The following SMAD3 variants were observed in gnomAD, a reference collection of about 807,000 sequenced individuals.
SMAD3 encodes the protein SMAD family member 3.
A neutral mutation model predicts 51.8 loss-of-function variants in SMAD3; 12 were observed. The observed-to-expected ratio is 0.23, with a 90% CI of 0.15 to 0.38. SMAD3 has a LOEUF of 0.38. Ranked by LOEUF, SMAD3 falls within the 10% of genes least tolerant of loss-of-function variation. The pLI is 1.00. For missense variants in SMAD3, 294 were observed against 565.6 expected, an observed-to-expected ratio of 0.52 and a Z score of 4.87; for synonymous variants, 238 against 227.7, an observed-to-expected ratio of 1.05 and a Z score of -0.41.
intron 1 of SMAD3, among the ~76,000 whole-genome samples, chr15:67,074,230 T>G (rs984547559): frequency 6.6e-6 from 1 of 152,248 alleles, no homozygotes; most frequent in Non-Finnish European, 1.5e-5. Flanking sequence ...AGGATGAAGA[T>G]GTGGAGGCTG....
intron 1 of SMAD3, among the ~76,000 whole-genome samples, chr15:67,086,294 T>A (rs28669671): frequency 9.2e-5 from 14 of 152,034 alleles, no homozygotes; most frequent in African/African-American, 2.9e-4. Flanking sequence ...GGTGAGAGAG[T>A]GTCCCTGTCT....
At chr15:67,178,257 C>T (rs920036737) in intron 5 of SMAD3, among the ~76,000 whole-genome samples, 1 of 152,190 alleles carries the variant, frequency 6.6e-6, no homozygotes, top group African/African-American at 2.4e-5. Context: ...CCATGCGACA[C>T]AATGGGTGGC....
At position 67,165,076 on chromosome 15, in the gene SMAD3, G is replaced by A; in HGVS notation, c.388G>A (p.Val130Ile). The A allele has an allele frequency of 6.2e-7, 1 of 1,614,214 alleles. No homozygotes were observed. The highest frequency in any genetic ancestry group is 1.1e-5 in the South Asian group (1 of 91,090). The change falls in exon 2 of 9, where the codon GTA becomes ATA. Residue 130 changes from valine (V) to isoleucine (I), a missense_variant. Val to Ile is a conservative substitution (Grantham distance 29, BLOSUM62 3). This residue lies in a region of SMAD3 where 147 missense variants were observed against 260.9 expected (regional missense o/e 0.56). Coordinates refer to ENST00000327367, the MANE Select transcript of SMAD3 (RefSeq NM_005902.4). ...VCVNPYHYQRVETPVLPPVLV... is the reference protein window; with the variant it reads ...VCVNPYHYQRIETPVLPPVLV... ...CGTGAATCCCTACCACTACCAGAGA[G>A]TAGAGACACCAGGTATGCTGCCTGG...
chr15:67,190,387 C>T, intron 8 of SMAD3, 26 bp from the exon 9 acceptor site: 4 of 1,612,112 alleles, frequency 2.5e-6, no homozygotes, highest in Non-Finnish European at 3.4e-6. Flanking sequence ...AGTCCCCCAC[C>T]CCACCCCTTT....
chr15:67,187,925 A>C (rs1963262754), intron 8 of SMAD3, among the ~76,000 whole-genome samples: 1 of 152,086 alleles, frequency 6.6e-6, no homozygotes, highest in South Asian at 2.1e-4. Flanking sequence ...AGATGGCTTT[A>C]GGATGACCCT....
chr15:67,115,563 T>C (rs574499036), intron 1 of SMAD3, among the ~76,000 whole-genome samples: 3 of 152,166 alleles, frequency 2.0e-5, no homozygotes, highest in Admixed American at 2.0e-4. Context: ...TTTGGGGCGC[T>C]TGGGTCCTCT....
At chr15:67,082,777 G>C (rs890908661) in intron 1 of SMAD3, among the ~76,000 whole-genome samples, 2 of 152,158 alleles carry the variant, frequency 1.3e-5, no homozygotes, top group Non-Finnish European at 2.9e-5. Flanking sequence ...AGAAAACAGA[G>C]CCTGTCCCAA....
At chr15:67,113,676 T>G (rs1461423691) in intron 1 of SMAD3, among the ~76,000 whole-genome samples, 2 of 152,186 alleles carry the variant, frequency 1.3e-5, no homozygotes, top group African/African-American at 4.8e-5. Context: ...AACACAGATG[T>G]CTGAAAGATT....
chr15:67,145,112 AAAG>A (rs1211945119), intron 1 of SMAD3, among the ~76,000 whole-genome samples: 3 of 152,180 alleles, frequency 2.0e-5, no homozygotes, highest in African/African-American at 7.2e-5. Flanking sequence ...CGTTCTCCTG[AAAG>A]AAGTCTTCTT....
At chr15:67,089,908 A>C (rs1352418391) in intron 1 of SMAD3, among the ~76,000 whole-genome samples, 9 of 152,080 alleles carry the variant, frequency 5.9e-5, no homozygotes, top group African/African-American at 2.2e-4. Flanking sequence ...GGGGGTGGGG[A>C]AGCATGAGCT....
At chr15:67,094,966 C>T (rs1056007986) in intron 1 of SMAD3, among the ~76,000 whole-genome samples, 1 of 152,158 alleles carries the variant, frequency 6.6e-6, no homozygotes. Context: ...GGGTAAGTCA[C>T]GCCACTTCCC....
In SMAD3 at chr15:67,073,263, A is replaced by G. The variant is rs563333937; in HGVS notation, c.206+6903A>G. On this transcript the variant is annotated intron_variant, in intron 1 of 8. Coordinates refer to ENST00000327367, the MANE Select transcript of SMAD3 (RefSeq NM_005902.4). ...GAAATAAACAAATCTATAGCATACT[A>G]TCCACTGTTGGTTATCTAAGACCCT... is the stretch of plus-strand genomic sequence containing the variant. Among the ~76,000 whole-genome samples, 5 of 152,336 alleles carry G rather than the reference A, an allele frequency of 3.3e-5. No homozygotes were observed. The East Asian group carries it at 9.6e-4, about 29-fold the overall frequency.
intron 7 of SMAD3, among the ~76,000 whole-genome samples, chr15:67,185,590 T>G (rs1595961123): frequency 6.6e-6 from 1 of 152,182 alleles, no homozygotes; most frequent in South Asian, 2.1e-4. Flanking sequence ...CCAGAGAGTT[T>G]GACTCTAGGG....
chr15:67,125,040 C>T (rs963533518), intron 1 of SMAD3, among the ~76,000 whole-genome samples: 17 of 152,240 alleles, frequency 1.1e-4, no homozygotes, highest in Non-Finnish European at 2.4e-4. Context: ...CCCCACCCGA[C>T]CAGCCAAATG....
intron 1 of SMAD3, among the ~76,000 whole-genome samples, chr15:67,101,648 TC>T (rs2140224927): frequency 6.6e-6 from 1 of 152,314 alleles, no homozygotes; most frequent in South Asian, 2.1e-4. Context: ...TCTTGGAAGT[TC>T]AGTTATACTC....
chr15:67,165,300 T>G lies in SMAD3; in HGVS notation c.448T>G (p.Phe150Val), dbSNP rs751860407. 6.2e-7 allele frequency: 1 copy of G among 1,613,822 alleles called. No individual in the cohort carries two copies. Among genetic ancestry groups the G allele is most frequent in the Non-Finnish European group, 8.5e-7 (1 of 1,179,952 alleles). ...ACGCCACACAGAGATCCCGGCCGAG[T>G]TCCCCCCACTGGACGACTACAGCCA... Reference protein sequence around the residue: ...VPRHTEIPAEFPPLDDYSHSI... With the variant: ...VPRHTEIPAEVPPLDDYSHSI... Residue 150 changes from phenylalanine to valine, a missense_variant, in exon 3 of 9, where the codon TTC becomes GTC. Physicochemically the swap from Phe to Val is conservative, Grantham distance 50. Transcript: ENST00000327367.
At chr15:67,179,196 T>G (rs1347308056) in intron 5 of SMAD3, among the ~76,000 whole-genome samples, 1 of 152,220 alleles carries the variant, frequency 6.6e-6, no homozygotes, top group Non-Finnish European at 1.5e-5. Flanking sequence ...CCAGTCTGTC[T>G]GGAGGATGGC....
intron 1 of SMAD3, among the ~76,000 whole-genome samples, chr15:67,112,915 T>C (rs56328560): frequency 0.074 from 9,646 of 130,154 alleles, 3,020 homozygotes; most frequent in African/African-American, 0.28. Context: ...CCCCAGTGAA[T>C]TGTCTTGGCA....
Position 67,195,166 on chromosome 15 carries a change from A to C in SMAD3, c.*4630A>C. ...TGCCCTTCTAATAAACTTTTCATGG[A>C]AAAGCTCCTGTGCCAGGAGCTCAGT... is the stretch of plus-strand genomic sequence containing the variant. On this transcript the variant is annotated 3_prime_UTR_variant, in exon 9 of 9. Coordinates refer to ENST00000327367, the MANE Select transcript of SMAD3 (RefSeq NM_005902.4). The C allele has an allele frequency of 4.3e-6, 1 of 232,106 alleles. No homozygotes were observed. The highest frequency in any genetic ancestry group is 8.5e-6 in the Non-Finnish European group (1 of 117,012). The allele number at this position is 232,106 out of a possible 1,614,324, so 14.4% of individuals were successfully genotyped here. A position where few individuals can be genotyped will look rare whatever the true frequency, so the allele number is the denominator to read the frequency against.
Sources: gnomAD v4.1 joint callset for allele counts (sites outside exome capture counted in the v4.1 genomes callset) on GRCh38, gnomAD v4.1.1 for gene constraint, gnomAD v4.1.1 regional missense constraint, MANE v1.5 for transcripts, NCBI Gene and HGNC (gene_info 2026-07-23, HGNC 2026-07-21) for gene names.